Variants in MRPL38 observed in about 807,000 individuals in gnomAD.
The protein encoded by MRPL38 is large ribosomal subunit protein mL38.
Under a neutral mutation model 52.1 loss-of-function variants are expected in MRPL38, and 51 were observed. The ratio of observed to expected loss-of-function variants is 0.98; its 90% CI spans 0.78 to 1.24. The LOEUF (loss-of-function observed/expected upper bound fraction) is 1.24, where lower values mean the gene tolerates loss of function less well. MRPL38 is among the 50% of genes most tolerant of loss of function. MRPL38 has a pLI of 0.00. For synonymous variants in MRPL38, 245 were observed against 212.7 expected (o/e 1.15, Z -1.32); for missense variants, 527 against 518.6 (o/e 1.02, Z -0.16).
At chr17:75,900,042 G>T (rs781255311) in intron 6 of MRPL38, 4 of 163,886 alleles carry the variant, frequency 2.4e-5, no homozygotes, top group Non-Finnish European at 5.3e-5. Context: ...CCTCGTCAGG[G>T]AGTGTGTGCC....
intron 1 of MRPL38, 39 bp downstream of exon 1, chr17:75,904,770 G>GGGCCGGGGGCC: frequency 2.0e-6 from 1 of 500,008 alleles, no homozygotes; most frequent in Non-Finnish European, 2.8e-6. Flanking sequence ...TCGGGCGACA[G>GGGCCGGGGGCC]CCCCCCCCCC....
rs1473097648 is a variant in MRPL38, at chr17:75,902,147, T to C, written c.255A>G (p.Lys85=). The part of the protein sequence containing the change: ...REYFGEKTDP[K]EKIDIGLPPP... ...GAGGCAGCCCAATATCAATCTTCTC[T>C]TTGGGATCTGGAGTGGGAAGATGTG... Residue 85 remains lysine (K), a synonymous_variant, in exon 3 of 9, where the codon AAA becomes AAG. Transcript: ENST00000309352. The C allele has an allele frequency of 1.3e-6, 2 of 1,559,052 alleles. No homozygotes were observed. The highest frequency in any genetic ancestry group is 1.7e-6 in the Non-Finnish European group (2 of 1,151,322).
rs531646189 is a variant in MRPL38 at position 75,901,700 on chromosome 17, G to A, written c.591+12C>T. 2 of 1,612,128 alleles carry A rather than the reference G, an allele frequency of 1.2e-6. No homozygotes were observed. Among genetic ancestry groups the A allele is most frequent in the East Asian group, 2.2e-5 (1 of 44,868 alleles). ...CACAGGGCAGGGAGGAGGGGCACAA[G>A]TGAGTGGTTACCTCGGTTGGAGTCA... is the stretch of plus-strand genomic sequence containing the variant. On this transcript the variant is annotated intron_variant, in intron 4 of 8. Coordinates refer to ENST00000309352, the MANE Select transcript of MRPL38 (RefSeq NM_032478.4). This position sits in a 1 kb window ranked among gnomAD's most constrained non-coding sequence, Gnocchi z 5.7.
At chr17:75,902,186 G>A in intron 2 of MRPL38, 32 bp from the exon 3 acceptor site, 1 of 1,548,040 alleles carries the variant, frequency 6.5e-7, no homozygotes, top group Non-Finnish European at 8.7e-7. Context: ...GAAAAACAGG[G>A]TCATGACTCA....
intron 2 of MRPL38, among the ~76,000 whole-genome samples, chr17:75,903,114 A>G (rs1323744096): frequency 3.9e-5 from 6 of 152,236 alleles, no homozygotes; most frequent in Non-Finnish European, 7.3e-5. Context: ...AAGGACTTAT[A>G]GAAGTGCTTC....
At chr17:75,904,207 T>C (rs1403018347) in intron 2 of MRPL38, 3 of 530,424 alleles carry the variant, frequency 5.7e-6, no homozygotes, top group Non-Finnish European at 1.1e-5. Flanking sequence ...CAGAATGCAG[T>C]GTGGCCAGAG....
Position 75,904,535 on chromosome 17 carries a change from C to T in MRPL38, c.247+5G>A, listed in dbSNP as rs766226761. 3.3e-6 allele frequency: 5 copies of T among 1,530,536 alleles called. No individual in the cohort carries two copies. The highest frequency in any genetic ancestry group is 8.7e-7 in the Non-Finnish European group (1 of 1,147,816). 94.8% of individuals were successfully genotyped at this position (1,530,536 alleles called of 1,614,324 possible). ...GCTGCAGCCCCTGCTCCAGTCGCCCCGCACCTGTCTTCTCCCCGAAATACT... is the reference window on the plus strand; with the variant it reads ...GCTGCAGCCCCTGCTCCAGTCGCCCTGCACCTGTCTTCTCCCCGAAATACT... On this transcript the variant is annotated splice_donor_5th_base_variant and intron_variant, in intron 2 of 8. Coordinates refer to ENST00000309352, the MANE Select transcript of MRPL38 (RefSeq NM_032478.4).
intron 2 of MRPL38, 140 bp from the exon 3 acceptor site, chr17:75,902,294 G>A: frequency 2.0e-6 from 2 of 988,758 alleles, no homozygotes; most frequent in Non-Finnish European, 2.9e-6. Flanking sequence ...TGTAGAGACA[G>A]GGTTTTGCCA....
In MRPL38 at chr17:75,902,418, T is replaced by A. The variant is rs1368058988; in HGVS notation, c.248-264A>T. 1.8e-5 allele frequency: 8 copies of A among 455,292 alleles called. 1 individual carries two copies. In the South Asian group the frequency reaches 2.0e-4, roughly 11 times the overall value. 28.2% of individuals were successfully genotyped at this position (455,292 alleles called of 1,614,324 possible). On this transcript the variant is annotated intron_variant, in intron 2 of 8. Transcript: ENST00000309352. ...CTGCGCCCAGCCATGGTAGCTAATT[T>A]AAAAAATCTGAGAGATGGGATCTCA...
chr17:75,901,936 GC>G lies in MRPL38; in HGVS notation c.383-17del. 7 of 1,043,088 alleles carry G rather than the reference GC, an allele frequency of 6.7e-6. No homozygotes were observed. The South Asian group carries it at 8.7e-5, about 13-fold the overall frequency. The allele number at this position is 1,043,088 out of a possible 1,614,324, so 64.6% of individuals were successfully genotyped here. A position where few individuals can be genotyped will look rare whatever the true frequency, so the allele number is the denominator to read the frequency against. On this transcript the variant is annotated splice_polypyrimidine_tract_variant and intron_variant, in intron 3 of 8. Transcript: ENST00000309352. This position sits in a 1 kb window ranked among gnomAD's most constrained non-coding sequence, Gnocchi z 5.7. Reference sequence around the variant, plus strand: ...GGGACACTGGCTAGACAGGAATAAGGCCAGTTGGGATACGGGGGTGGGGGGG... The same window carrying G: ...GGGACACTGGCTAGACAGGAATAAGGCAGTTGGGATACGGGGGTGGGGGGG...
rs1599470956 is a variant in MRPL38 at position 75,898,662 on chromosome 17, T to G, written c.*188A>C. ...CACCAAGCCCGGCAAGAAATCATGT[T>G]TATTCACATTCCCCACCCCACCACC... On this transcript the variant is annotated 3_prime_UTR_variant, in exon 9 of 9. Coordinates refer to ENST00000309352, the MANE Select transcript of MRPL38 (RefSeq NM_032478.4). The G allele has an allele frequency of 1.6e-6, 1 of 634,302 alleles. No homozygotes were observed. The highest frequency in any genetic ancestry group is 2.9e-5 in the East Asian group (1 of 35,032). 39.3% of individuals were successfully genotyped at this position (634,302 alleles called of 1,614,324 possible). A position where few individuals can be genotyped will look rare whatever the true frequency, so the allele number is the denominator to read the frequency against.
At chr17:75,903,021 T>G (rs1370533378) in intron 2 of MRPL38, among the ~76,000 whole-genome samples, 2 of 152,144 alleles carry the variant, frequency 1.3e-5, no homozygotes, top group Non-Finnish European at 2.9e-5. Flanking sequence ...TCCTTCCAAT[T>G]ATAGTTGAGA....
rs1024452011 is a variant in MRPL38 at position 75,898,876 on chromosome 17, G to A, written c.1117C>T (p.His373Tyr). The change falls in exon 9 of 9, where the codon CAT becomes TAT. Residue 373 changes from histidine to tyrosine, a missense_variant. Physicochemically the swap from His to Tyr is moderately conservative, Grantham distance 83. Transcript: ENST00000309352. ...TAGTAGATGCCATAGGTGGGCTCAT[G>A]ACTGTCCCTGTACCGGTCCAGGTAG... ...LRYLDRYRDSHEPTYGIY is the reference protein window; with the variant it reads ...LRYLDRYRDSYEPTYGIY 3.7e-6 allele frequency: 6 copies of A among 1,611,936 alleles called. No individual in the cohort carries two copies. The African/African-American group carries it at 4.0e-5, about 11-fold the overall frequency.
intron 1 of MRPL38, 39 bp downstream of exon 1, chr17:75,904,770 G>GGCC (rs1567854065): frequency 1.5e-4 from 73 of 500,324 alleles, no homozygotes; most frequent in South Asian, 3.7e-4. Context: ...TCGGGCGACA[G>GGCC]CCCCCCCCCC....
chr17:75,903,682 G>A (rs949048786), intron 2 of MRPL38, among the ~76,000 whole-genome samples: 1 of 151,434 alleles, frequency 6.6e-6, no homozygotes, highest in Non-Finnish European at 1.5e-5. Context: ...GAAAAGAAAA[G>A]CATATACTCC....
At position 75,901,744 on chromosome 17, in the gene MRPL38, C is replaced by T. The variant is rs780894952; in HGVS notation, c.559G>A (p.Val187Met). Residue 187 changes from valine to methionine, a missense_variant, in exon 4 of 9, where the codon GTG becomes ATG. By Grantham distance (21) the Val-to-Met change is conservative (BLOSUM62 1). Transcript: ENST00000309352. This position sits in a 1 kb window ranked among gnomAD's most constrained non-coding sequence, Gnocchi z 5.7. ...GGAGTCACCTCATTGCCACAGTACA[C>T]AGGCATCAGGTCATCCTCACCCACA... ...YAVGEDDLMP[V>M]YCGNEVTPTE... 7 of 1,613,822 alleles carry T rather than the reference C, an allele frequency of 4.3e-6. No homozygotes were observed. The highest frequency in any genetic ancestry group is 2.2e-5 in the South Asian group (2 of 91,080).
intron 1 of MRPL38, 41 bp downstream of exon 1, chr17:75,904,768 C>CTGGGGGG: frequency 9.5e-7 from 1 of 1,056,382 alleles, no homozygotes; most frequent in Non-Finnish European, 1.2e-6. Context: ...GCTCGGGCGA[C>CTGGGGGG]AGCCCCCCCC....
In MRPL38 at chr17:75,904,592, C is replaced by G; in HGVS notation, c.195G>C (p.Ala65=). ...DRYRRRAEQE[A]QAPHWWRTYR... is the part of the protein sequence containing the mutation. ...AGGTCCGCCACCAGTGCGGGGCCTGCGCCTCCTGCTCTGCTCGGCGCCGGT... is the reference window on the plus strand; with the variant it reads ...AGGTCCGCCACCAGTGCGGGGCCTGGGCCTCCTGCTCTGCTCGGCGCCGGT... Residue 65 remains alanine (A), a synonymous_variant, in exon 2 of 9, where the codon GCG becomes GCC. Coordinates refer to ENST00000309352, the MANE Select transcript of MRPL38 (RefSeq NM_032478.4). 1 of 1,587,498 alleles carries G rather than the reference C, an allele frequency of 6.3e-7. No individual in the cohort carries two copies. The highest frequency in any genetic ancestry group is 8.5e-7 in the Non-Finnish European group (1 of 1,174,886).
At position 75,904,801 on chromosome 17, in the gene MRPL38, C is replaced by T; in HGVS notation, c.67+8G>A. On this transcript the variant is annotated splice_region_variant and intron_variant, in intron 1 of 8. Coordinates refer to ENST00000309352, the MANE Select transcript of MRPL38 (RefSeq NM_032478.4). ...CCCCCCCCCCCCGCAGAGCTGCCCA[C>T]CCCTCACCCGAGGTGCTGAAGCCCC... is the stretch of plus-strand genomic sequence containing the variant. The T allele has an allele frequency of 6.6e-7, 1 of 1,508,694 alleles. No individual in the cohort carries two copies. Among genetic ancestry groups the T allele is most frequent in the South Asian group, 1.2e-5 (1 of 82,280 alleles). 93.5% of individuals were successfully genotyped at this position (1,508,694 alleles called of 1,614,324 possible). A position where few individuals can be genotyped will look rare whatever the true frequency, so the allele number is the denominator to read the frequency against.
Sources: allele counts gnomAD v4.1 joint callset (sites outside exome capture counted in the v4.1 genomes callset), GRCh38; gene constraint gnomAD v4.1.1; non-coding constraint Gnocchi (gnomAD v3.1); transcripts MANE v1.5; gene names NCBI Gene and HGNC (gene_info 2026-07-23, HGNC 2026-07-21).